The following VASH2 variants were observed in gnomAD, a reference collection of about 807,000 sequenced individuals.
VASH2 encodes the protein tubulinyl-Tyr carboxypeptidase 2.
In VASH2, 28 loss-of-function variants were observed where a neutral mutation model predicts 37.2. The ratio of observed to expected loss-of-function variants is 0.75; its 90% confidence interval spans 0.56 to 1.03. The LOEUF (loss-of-function observed/expected upper bound fraction) is 1.03, where lower values mean the gene tolerates loss of function less well. VASH2 is among the 50% of genes least tolerant of loss of function. VASH2 has a pLI of 0.00. For synonymous variants in VASH2, 188 were observed against 174.7 expected (o/e 1.08, Z -0.60); for missense variants, 419 against 459.1 (o/e 0.91, Z 0.80).
intron 7 of VASH2, among the ~76,000 whole-genome samples, chr1:212,977,985 G>A (rs1403754055): frequency 1.3e-5 from 2 of 152,222 alleles, no homozygotes; most frequent in East Asian, 3.8e-4. Context: ...AAAGTACTGG[G>A]TCTGCTGAGA....
chr1:212,961,200 C>T lies in VASH2; in HGVS notation c.311C>T (p.Ser104Leu), dbSNP rs751836238. Residue 104 changes from serine to leucine, a missense_variant, in exon 3 of 8, where the codon TCG becomes TTG. Around this residue, in one of 3 missense-constraint regions of VASH2, gnomAD observed 158 missense variants for 163.0 expected, o/e 0.97. Coordinates refer to ENST00000517399, the MANE Select transcript of VASH2 (RefSeq NM_001301056.2). ...SIPQVPNYRLSMTIPDWLQAI... is the reference protein window; with the variant it reads ...SIPQVPNYRLLMTIPDWLQAI... Reference sequence around the variant, plus strand: ...CCCCAGGTCCCAAACTACAGGCTGTCGATGACGATCCCAGACTGGCTCCAG... The same window carrying T: ...CCCCAGGTCCCAAACTACAGGCTGTTGATGACGATCCCAGACTGGCTCCAG... 8 of 1,614,064 alleles carry T rather than the reference C, an allele frequency of 5.0e-6. No homozygotes were observed. The highest frequency in any genetic ancestry group is 1.3e-5 in the African/African-American group (1 of 74,924).
intron 7 of VASH2, among the ~76,000 whole-genome samples, chr1:212,987,441 G>A (rs1179757912): frequency 6.6e-6 from 1 of 152,020 alleles, no homozygotes; most frequent in Non-Finnish European, 1.5e-5. Flanking sequence ...AGGTGTGGTG[G>A]CACATGCCTG....
In VASH2 at chr1:212,988,716, G is replaced by GA; in HGVS notation, c.*134dup. ...ATTTTTAAGGATTCACCTGGAAATA[G>GA]AATCTGAGTGGGTGGTAACCATTAG... On this transcript the variant is annotated 3_prime_UTR_variant, in exon 8 of 8. Transcript: ENST00000517399. 5.2e-6 allele frequency: 5 copies of GA among 969,316 alleles called. No homozygotes were observed. The highest frequency in any genetic ancestry group is 7.9e-6 in the Non-Finnish European group (5 of 631,972). The allele number at this position is 969,316 out of a possible 1,614,324, so 60.0% of individuals were successfully genotyped here. A position where few individuals can be genotyped will look rare whatever the true frequency, so the allele number is the denominator to read the frequency against.
At position 212,966,418 on chromosome 1, in the gene VASH2, A is replaced by C. The variant is rs890893541; in HGVS notation, c.497+73A>C. ...TCACAATGGGGCTTGTTGTGCCTTT[A>C]ACATTGTAAATTCTCAGAGATGATG... On this transcript the variant is annotated intron_variant, in intron 5 of 7. Coordinates refer to ENST00000517399, the MANE Select transcript of VASH2 (RefSeq NM_001301056.2). 2.4e-6 allele frequency: 3 copies of C among 1,256,370 alleles called. No individual in the cohort carries two copies. In the African/African-American group the frequency reaches 4.5e-5, roughly 19 times the overall value. 77.8% of individuals were successfully genotyped at this position (1,256,370 alleles called of 1,614,324 possible).
At chr1:212,978,439 G>A (rs960599931) in intron 7 of VASH2, among the ~76,000 whole-genome samples, 1 of 152,230 alleles carries the variant, frequency 6.6e-6, no homozygotes, top group African/African-American at 2.4e-5. Context: ...TGCAGGAAGA[G>A]GGGAATTCTC....
chr1:212,972,633 C>T lies in VASH2; in HGVS notation c.551C>T (p.Thr184Ile). ...SIERFPISFK[T>I]YFSGNYFHHV... ...GAGCGGTTCCCCATCAGCTTTAAAA[C>T]CTACTTCTCAGGAAACTACTTTCAC... The change falls in exon 6 of 8, where the codon ACC becomes ATC. Residue 184 changes from threonine (T) to isoleucine (I), a missense_variant. Thr to Ile is a moderately conservative substitution (Grantham distance 89). This residue lies in a region of VASH2 where 84 missense variants were observed against 129.9 expected (regional missense o/e 0.65). Coordinates refer to ENST00000517399, the MANE Select transcript of VASH2 (RefSeq NM_001301056.2). 6.2e-7 allele frequency: 1 copy of T among 1,614,184 alleles called. No homozygotes were observed. Among genetic ancestry groups the T allele is most frequent in the Non-Finnish European group, 8.5e-7 (1 of 1,180,034 alleles).
chr1:212,958,901 C>CT (rs1001836819), intron 2 of VASH2, among the ~76,000 whole-genome samples: 48 of 145,780 alleles, frequency 3.3e-4, no homozygotes, highest in Admixed American at 2.2e-3. Context: ...TTCTTTCTTT[C>CT]TTTTTTTTTT....
intron 2 of VASH2, chr1:212,952,598 A>G (rs1397661650): frequency 2.0e-5 from 3 of 152,268 alleles, no homozygotes; most frequent in Non-Finnish European, 4.4e-5. Flanking sequence ...GTGGCTAAGG[A>G]TATCTTTACC....
intron 7 of VASH2, among the ~76,000 whole-genome samples, chr1:212,975,722 T>C (rs1240697318): frequency 6.6e-6 from 1 of 152,212 alleles, no homozygotes; most frequent in Non-Finnish European, 1.5e-5. Context: ...ATAAAAGAAC[T>C]GATTTTGTCT....
At chr1:212,969,114 A>G (rs2935216) in intron 5 of VASH2, 445,688 of 984,916 alleles carry the variant, frequency 0.45, 102,769 homozygotes, top group Non-Finnish European at 0.47. Context: ...AGGAAGGTGG[A>G]GAGCTTCAGT....
At position 212,967,069 on chromosome 1, in the gene VASH2, C is replaced by T. The variant is rs41275390; in HGVS notation, c.497+724C>T. ...TCGCCAGGGAAAATTCTAAGAGTGGCGTGTGGAGGAGACCAAGCAGTGGTG... is the reference window on the plus strand; with the variant it reads ...TCGCCAGGGAAAATTCTAAGAGTGGTGTGTGGAGGAGACCAAGCAGTGGTG... On this transcript the variant is annotated intron_variant, in intron 5 of 7. Coordinates refer to ENST00000517399, the MANE Select transcript of VASH2 (RefSeq NM_001301056.2). 3.2e-4 allele frequency: 413 copies of T among 1,295,008 alleles called. 1 individual carries two copies. The highest frequency in any genetic ancestry group is 3.9e-4 in the Non-Finnish European group (387 of 980,504). The allele number at this position is 1,295,008 out of a possible 1,614,324, so 80.2% of individuals were successfully genotyped here. A position where few individuals can be genotyped will look rare whatever the true frequency, so the allele number is the denominator to read the frequency against.
intron 6 of VASH2, chr1:212,973,531 C>T: frequency 7.8e-7 from 1 of 1,289,362 alleles, no homozygotes. Flanking sequence ...AGTGGAGATT[C>T]CTGATCAATT....
At chr1:212,980,526 T>TG (rs1667311917) in intron 7 of VASH2, among the ~76,000 whole-genome samples, 2 of 152,196 alleles carry the variant, frequency 1.3e-5, no homozygotes, top group Non-Finnish European at 1.5e-5. Flanking sequence ...CTGGACACCC[T>TG]GGGGGTCCCA....
chr1:212,959,773 G>A (rs1320477896), intron 2 of VASH2, among the ~76,000 whole-genome samples: 2 of 152,314 alleles, frequency 1.3e-5, no homozygotes, highest in South Asian at 2.1e-4. Context: ...GGCTGCACAG[G>A]GCCATCCCTG....
intron 5 of VASH2, among the ~76,000 whole-genome samples, chr1:212,972,306 ATTGTT>A (rs1369225404): frequency 5.9e-5 from 9 of 152,202 alleles, no homozygotes; most frequent in Non-Finnish European, 1.0e-4. Flanking sequence ...GTGCCTTGTT[ATTGTT>A]TTGTTTTGCA....
intron 7 of VASH2, among the ~76,000 whole-genome samples, chr1:212,979,239 T>C (rs1177786870): frequency 6.6e-6 from 1 of 152,202 alleles, no homozygotes; most frequent in African/African-American, 2.4e-5. Flanking sequence ...CAAGCAGCCT[T>C]TTCTCTAGGT....
intron 5 of VASH2, 33 bp downstream of exon 5, chr1:212,966,378 C>G: frequency 6.5e-7 from 1 of 1,535,348 alleles, no homozygotes; most frequent in Non-Finnish European, 8.8e-7. Context: ...TTAGTTTACT[C>G]CATAAATGGC....
At chr1:212,976,796 G>A (rs1667186878) in intron 7 of VASH2, among the ~76,000 whole-genome samples, 1 of 152,216 alleles carries the variant, frequency 6.6e-6, no homozygotes, top group South Asian at 2.1e-4. Flanking sequence ...GCACACCAGA[G>A]TGGGCCTGGG....
chr1:212,982,441 T>C (rs1667365554), intron 7 of VASH2, among the ~76,000 whole-genome samples: 1 of 151,908 alleles, frequency 6.6e-6, no homozygotes, highest in African/African-American at 2.4e-5. Flanking sequence ...CGATGAGAGG[T>C]TCTGGGCAAG....
Sources: allele counts gnomAD v4.1 joint callset (sites outside exome capture counted in the v4.1 genomes callset), GRCh38; gene constraint gnomAD v4.1.1; regional missense constraint gnomAD v4.1.1; transcripts MANE v1.5; gene names NCBI Gene and HGNC (gene_info 2026-07-23, HGNC 2026-07-21).